The following FGF7 variants were observed in gnomAD, a reference collection of about 807,000 sequenced individuals.
FGF7 encodes fibroblast growth factor 7.
Under a neutral mutation model 20.5 loss-of-function variants are expected in FGF7, and 6 were observed. The ratio of observed to expected loss-of-function variants is 0.29; its 90% CI spans 0.16 to 0.58. FGF7 has a LOEUF of 0.58. FGF7 is among the 20% of genes least tolerant of loss of function. The pLI is 0.90. For synonymous variants in FGF7, 64 were observed against 74.7 expected (o/e 0.86, Z 0.74); for missense variants, 144 against 228.8 (o/e 0.63, Z 2.39).
chr15:49,439,805 T>C (rs545488612), intron 2 of FGF7, among the ~76,000 whole-genome samples: 5 of 151,700 alleles, frequency 3.3e-5, no homozygotes, highest in Non-Finnish European at 7.4e-5. Flanking sequence ...GATGATTTGC[T>C]TGCTTAAAAT....
chr15:49,475,645 A>T (rs1263159969), intron 2 of FGF7, among the ~76,000 whole-genome samples: 1 of 151,884 alleles, frequency 6.6e-6, no homozygotes, highest in Admixed American at 6.6e-5. Context: ...ACAATTTGAT[A>T]TTTTTTTTAC....
At chr15:49,426,870 C>T (rs751638761) in intron 2 of FGF7, among the ~76,000 whole-genome samples, 13 of 151,780 alleles carry the variant, frequency 8.6e-5, no homozygotes, top group South Asian at 8.3e-4. Flanking sequence ...TTCTTGATAT[C>T]GTTAATTATC....
rs184552070 is a variant in FGF7 at position 49,451,199 on chromosome 15, G to A, written c.286+26616G>A. Among the ~76,000 whole-genome samples, 276 of 151,724 alleles carry A rather than the reference G, an allele frequency of 1.8e-3. 2 individuals are homozygous for A. The highest frequency in any genetic ancestry group is 6.1e-3 in the African/African-American group (253 of 41,404). On this transcript the variant is annotated intron_variant, in intron 2 of 3. Coordinates refer to ENST00000267843, the MANE Select transcript of FGF7 (RefSeq NM_002009.4). ...TACTTACATATAAAATAAATAATAC[G>A]GTCATTTAAAATTTTAACCAATTAG...
At chr15:49,468,455 G>A (rs1046630580) in intron 2 of FGF7, among the ~76,000 whole-genome samples, 1 of 152,096 alleles carries the variant, frequency 6.6e-6, no homozygotes, top group Non-Finnish European at 1.5e-5. Flanking sequence ...TGTATTCCAA[G>A]GTTCTGACTT....
At chr15:49,483,932 G>A (rs1414571796) in intron 3 of FGF7, among the ~76,000 whole-genome samples, 1 of 152,012 alleles carries the variant, frequency 6.6e-6, no homozygotes, top group African/African-American at 2.4e-5. Context: ...CCTGAGGGAG[G>A]CAGAGGTTCT....
intron 2 of FGF7, among the ~76,000 whole-genome samples, chr15:49,466,892 A>C (rs1243598843): frequency 1.3e-5 from 2 of 152,096 alleles, no homozygotes; most frequent in African/African-American, 4.8e-5. Flanking sequence ...TAACTACTCC[A>C]CATAAGAATT....
chr15:49,456,081 G>C (rs140375519), intron 2 of FGF7, among the ~76,000 whole-genome samples: 1,588 of 152,154 alleles, frequency 0.01, 33 homozygotes, highest in African/African-American at 0.036. Flanking sequence ...TAACTTATAA[G>C]ACATTCTAAA....
chr15:49,445,432 A>AT (rs1256390340), intron 2 of FGF7, among the ~76,000 whole-genome samples: 1 of 151,442 alleles, frequency 6.6e-6, no homozygotes, highest in Non-Finnish European at 1.5e-5. Flanking sequence ...CTCTCTAGAC[A>AT]TTTTTCCCAC....
chr15:49,449,895 T>G (rs2052566627), intron 2 of FGF7, among the ~76,000 whole-genome samples: 1 of 152,074 alleles, frequency 6.6e-6, no homozygotes, highest in African/African-American at 2.4e-5. Flanking sequence ...ATGTTAAAAT[T>G]TCTGAGTTGG....
In FGF7 at chr15:49,437,985, G is replaced by T. The variant is rs996964264; in HGVS notation, c.286+13402G>T. ...GGTGGGAGTGAATCAGGCTAGAGAA[G>T]AGGGTAGGAAATGGGGAAGGGAGTC... On this transcript the variant is annotated intron_variant, in intron 2 of 3. Transcript: ENST00000267843. Among the ~76,000 whole-genome samples, 3 of 151,656 alleles carry T rather than the reference G, an allele frequency of 2.0e-5. No individual in the cohort carries two copies. In the East Asian group the frequency reaches 5.8e-4, roughly 30 times the overall value.
intron 2 of FGF7, among the ~76,000 whole-genome samples, chr15:49,460,143 G>A (rs1597343044): frequency 6.6e-6 from 1 of 152,040 alleles, no homozygotes; most frequent in South Asian, 2.1e-4. Flanking sequence ...TCATGGAAGA[G>A]GCAAGCCCCA....
chr15:49,431,792 GT>G (rs1435081832), intron 2 of FGF7, among the ~76,000 whole-genome samples: 1 of 151,692 alleles, frequency 6.6e-6, no homozygotes, highest in Non-Finnish European at 1.5e-5. Flanking sequence ...ATGAAGCAAA[GT>G]TTCTCATAAA....
At chr15:49,480,474 A>ATTTTTTTT (rs35283556) in intron 2 of FGF7, among the ~76,000 whole-genome samples, 1 of 100,914 alleles carries the variant, frequency 9.9e-6, no homozygotes, top group African/African-American at 4.1e-5. Context: ...TGCCCAACTA[A>ATTTTTTTT]TTTTTTTTTT....
chr15:49,473,371 ATAAGT>A (rs1429285046), intron 2 of FGF7, among the ~76,000 whole-genome samples: 4 of 152,186 alleles, frequency 2.6e-5, no homozygotes, highest in African/African-American at 9.6e-5. Flanking sequence ...TGAGTTAAAT[ATAAGT>A]TATTAGAAGC....
intron 2 of FGF7, among the ~76,000 whole-genome samples, chr15:49,473,585 T>G (rs1479580521): frequency 1.3e-5 from 2 of 152,122 alleles, no homozygotes; most frequent in Admixed American, 6.5e-5. Flanking sequence ...GGAGTTGGTC[T>G]CACGTTTTGG....
At chr15:49,479,862 C>T (rs1053851838) in intron 2 of FGF7, among the ~76,000 whole-genome samples, 1 of 152,152 alleles carries the variant, frequency 6.6e-6, no homozygotes, top group East Asian at 1.9e-4. Context: ...GATCCACCCG[C>T]GTTGGCCTCC....
chr15:49,445,561 G>T (rs930953509), intron 2 of FGF7, among the ~76,000 whole-genome samples: 2 of 151,400 alleles, frequency 1.3e-5, no homozygotes, highest in African/African-American at 4.8e-5. Flanking sequence ...TCAGATAAAT[G>T]TCTAGATCAC....
intron 2 of FGF7, among the ~76,000 whole-genome samples, chr15:49,480,527 G>C (rs2055843197): frequency 6.9e-6 from 1 of 145,326 alleles, no homozygotes; most frequent in Non-Finnish European, 1.5e-5. Context: ...TGTTGCCTAG[G>C]CTAGAGGGCA....
chr15:49,457,871 A>G (rs1230153279), intron 2 of FGF7, among the ~76,000 whole-genome samples: 1 of 150,878 alleles, frequency 6.6e-6, no homozygotes, highest in Non-Finnish European at 1.5e-5. Flanking sequence ...AAACAATTAA[A>G]TGAATCTAAT....
Sources: gnomAD v4.1 joint callset for allele counts (sites outside exome capture counted in the v4.1 genomes callset) on GRCh38, gnomAD v4.1.1 for gene constraint, MANE v1.5 for transcripts, NCBI Gene and HGNC (gene_info 2026-07-23, HGNC 2026-07-21) for gene names.